Variants in GRIK4 observed in about 807,000 individuals in gnomAD.
GRIK4 encodes glutamate ionotropic receptor kainate type subunit 4.
In GRIK4, 40 loss-of-function variants were observed where a neutral mutation model predicts 104.9. That is an observed-to-expected ratio of 0.38 (90% CI 0.30 to 0.50). GRIK4 has a LOEUF of 0.50. Ranked by LOEUF, GRIK4 falls within the 20% of genes least tolerant of loss-of-function variation. GRIK4 has a pLI of 0.93. For synonymous variants in GRIK4, 485 were observed against 524.9 expected (o/e 0.92, Z 1.04); for missense variants, 1,047 against 1,308.1 (o/e 0.80, Z 3.08).
At chr11:120,836,069 AGAGTG>A (rs1391440813) in intron 7 of GRIK4, among the ~76,000 whole-genome samples, 9 of 152,310 alleles carry the variant, frequency 5.9e-5, no homozygotes, top group African/African-American at 2.2e-4. Context: ...GCACTCTGAC[AGAGTG>A]GAGTTGATTT....
At chr11:120,981,095 G>C (rs775165260) in intron 19 of GRIK4, among the ~76,000 whole-genome samples, 1 of 152,104 alleles carries the variant, frequency 6.6e-6, no homozygotes, top group South Asian at 2.1e-4. Context: ...TGAAAAACAC[G>C]GGACACAAGA....
At chr11:120,592,674 C>T (rs1591720548) in intron 1 of GRIK4, among the ~76,000 whole-genome samples, 2 of 152,136 alleles carry the variant, frequency 1.3e-5, no homozygotes, top group East Asian at 3.9e-4. Context: ...AGCATCTCAC[C>T]TCAGCCTTCA....
At chr11:120,645,850 G>C (rs1386950343) in intron 1 of GRIK4, among the ~76,000 whole-genome samples, 1 of 152,218 alleles carries the variant, frequency 6.6e-6, no homozygotes, top group African/African-American at 2.4e-5. Flanking sequence ...CATGCCCGCT[G>C]TGTCCCCCTG....
chr11:120,949,711 G>A (rs1415314089), intron 14 of GRIK4, among the ~76,000 whole-genome samples: 1 of 152,178 alleles, frequency 6.6e-6, no homozygotes, highest in Non-Finnish European at 1.5e-5. Flanking sequence ...GAAAAGGAGA[G>A]GAAGATGCAG....
intron 3 of GRIK4, among the ~76,000 whole-genome samples, chr11:120,677,851 T>C (rs1447881164): frequency 6.6e-6 from 1 of 152,210 alleles, no homozygotes; most frequent in African/African-American, 2.4e-5. Flanking sequence ...GGAGAGGGGA[T>C]GACATTCATG....
At chr11:120,951,364 C>A (rs1263420211) in intron 14 of GRIK4, among the ~76,000 whole-genome samples, 1 of 152,212 alleles carries the variant, frequency 6.6e-6, no homozygotes, top group Non-Finnish European at 1.5e-5. Context: ...AGTTTCTCAG[C>A]TTCTTCTAGC....
chr11:120,738,043 C>T lies in GRIK4; in HGVS notation c.83-64650C>T, dbSNP rs184314372. 8.3e-4 allele frequency among the ~76,000 whole-genome samples: 126 copies of T among 151,950 alleles called. 1 individual carries two copies. The highest frequency in any genetic ancestry group is 2.8e-3 in the African/African-American group (116 of 41,408). On this transcript the variant is annotated intron_variant, in intron 3 of 20. Transcript: ENST00000527524. ...GATAGATAGGGCAGACAGCCCAGGA[C>T]TGAGCCTTGGGGGCACTCCAATGTT... is the stretch of plus-strand genomic sequence containing the variant.
At chr11:120,534,140 C>T (rs541116216) in intron 1 of GRIK4, among the ~76,000 whole-genome samples, 51 of 151,946 alleles carry the variant, frequency 3.4e-4, no homozygotes, top group African/African-American at 8.7e-4. Context: ...GAGGTAGAAT[C>T]GCAGGACACC....
chr11:120,823,179 T>A (rs1352636535), intron 6 of GRIK4, among the ~76,000 whole-genome samples: 1 of 152,216 alleles, frequency 6.6e-6, no homozygotes, highest in Non-Finnish European at 1.5e-5. Context: ...TGGTACAATA[T>A]CTCACCAACC....
chr11:120,855,583 GAC>G (rs1250440984), intron 8 of GRIK4, among the ~76,000 whole-genome samples: 1 of 143,664 alleles, frequency 7.0e-6, no homozygotes, highest in African/African-American at 2.6e-5. Context: ...TTTTTTTCGA[GAC>G]AGAGTCTCTG....
chr11:120,812,687 C>G (rs1952854238), intron 4 of GRIK4, among the ~76,000 whole-genome samples: 1 of 152,196 alleles, frequency 6.6e-6, no homozygotes, highest in Non-Finnish European at 1.5e-5. Flanking sequence ...CAAACCCAGA[C>G]AGCCATGCAT....
At chr11:120,809,795 T>C (rs2135524300) in intron 4 of GRIK4, among the ~76,000 whole-genome samples, 1 of 152,320 alleles carries the variant, frequency 6.6e-6, no homozygotes, top group African/African-American at 2.4e-5. Flanking sequence ...CTGGGCGTGG[T>C]GGCTCATGCC....
intron 1 of GRIK4, among the ~76,000 whole-genome samples, chr11:120,603,509 C>T (rs1409135179): frequency 1.3e-5 from 2 of 152,198 alleles, no homozygotes; most frequent in Non-Finnish European, 2.9e-5. Context: ...TCTTTCAGCC[C>T]TCCTTTGAAA....
intron 8 of GRIK4, among the ~76,000 whole-genome samples, chr11:120,853,309 T>C (rs6589848): frequency 0.83 from 125,535 of 151,992 alleles, 51,894 homozygotes; most frequent in Admixed American, 0.84. Flanking sequence ...GAGTATTCGG[T>C]GAGGGGGAAG....
intron 1 of GRIK4, among the ~76,000 whole-genome samples, chr11:120,653,246 T>C (rs1326300839): frequency 6.6e-6 from 1 of 152,254 alleles, no homozygotes; most frequent in Non-Finnish European, 1.5e-5. Flanking sequence ...GGCCAGTCTC[T>C]TTCCATTGAG....
At chr11:120,858,447 T>A (rs1165558298) in intron 8 of GRIK4, 1 of 152,284 alleles carries the variant, frequency 6.6e-6, no homozygotes, top group Non-Finnish European at 1.5e-5. Context: ...CAGGCACTCA[T>A]GGATTTTGGA....
rs1012818418 is a variant in GRIK4, at chr11:120,693,393, C to T, written c.82+32993C>T. 2.4e-4 allele frequency among the ~76,000 whole-genome samples: 37 copies of T among 152,172 alleles called. 1 individual carries two copies. The highest frequency in any genetic ancestry group is 2.3e-3 in the Admixed American group (35 of 15,276). ...GTGCTGGGATTGCAGGCATGACCACCGTGCCAGGCTGGCAATTTATATTTT... is the reference window on the plus strand; with the variant it reads ...GTGCTGGGATTGCAGGCATGACCACTGTGCCAGGCTGGCAATTTATATTTT... On this transcript the variant is annotated intron_variant, in intron 3 of 20. Coordinates refer to ENST00000527524, the MANE Select transcript of GRIK4 (RefSeq NM_014619.5).
In GRIK4 at chr11:120,951,958, C is replaced by T. The variant is rs775624740; in HGVS notation, c.1591-897C>T. 1.3e-5 allele frequency among the ~76,000 whole-genome samples: 2 copies of T among 152,232 alleles called. 1 individual carries two copies. Among genetic ancestry groups the T allele is most frequent in the Non-Finnish European group, 2.9e-5 (2 of 68,038 alleles). On this transcript the variant is annotated intron_variant, in intron 14 of 20. Transcript: ENST00000527524. ...TCCATAAGCCACTGGTGTGTCACCT[C>T]GGATCTATTCCCACTCCAACTGAGG...
rs12280470 is a variant in GRIK4 at position 120,966,154 on chromosome 11, A to G, written c.2267-1041A>G. 5.2e-3 allele frequency among the ~76,000 whole-genome samples: 796 copies of G among 152,280 alleles called. 7 individuals are homozygous for G. The highest frequency in any genetic ancestry group is 0.018 in the African/African-American group (762 of 41,562). On this transcript the variant is annotated intron_variant, in intron 18 of 20. Coordinates refer to ENST00000527524, the MANE Select transcript of GRIK4 (RefSeq NM_014619.5). ...AAAGAATGGTACTGAACAGAAAAAA[A>G]CCTTCTTTTGAGGAGGGAAGGAGGA...
Sources: allele counts gnomAD v4.1 joint callset (sites outside exome capture counted in the v4.1 genomes callset), GRCh38; gene constraint gnomAD v4.1.1; transcripts MANE v1.5; gene names NCBI Gene and HGNC (gene_info 2026-07-23, HGNC 2026-07-21).